Variants in STX2 observed in about 807,000 individuals in gnomAD.
STX2 encodes the protein syntaxin 2.
STX2 carries 27 observed loss-of-function variants against 40.6 expected under a neutral mutation model. That is an observed-to-expected ratio of 0.66 (90% confidence interval 0.49 to 0.92). The LOEUF is 0.92. Among genes scored for constraint, STX2 ranks in the 40% least tolerant of loss-of-function variants. STX2 has a pLI of 0.00. For synonymous variants in STX2, 123 were observed against 119.1 expected (o/e 1.03, Z -0.22); for missense variants, 328 against 366.1 (o/e 0.90, Z 0.85).
At chr12:130,805,260 CAAACCCACCA>C (rs1951387946) in intron 6 of STX2, among the ~76,000 whole-genome samples, 1 of 152,162 alleles carries the variant, frequency 6.6e-6, no homozygotes. Flanking sequence ...GAAATAACCA[CAAACCCACCA>C]AAATCTACAA....
chr12:130,803,118 G>A (rs1284531867), intron 6 of STX2, among the ~76,000 whole-genome samples: 1 of 152,220 alleles, frequency 6.6e-6, no homozygotes, highest in African/African-American at 2.4e-5. Flanking sequence ...TTGTTGAGAT[G>A]TCATTTAATG....
intron 1 of STX2, among the ~76,000 whole-genome samples, chr12:130,830,897 T>C (rs1424954259): frequency 6.6e-6 from 1 of 152,246 alleles, no homozygotes; most frequent in Non-Finnish European, 1.5e-5. Flanking sequence ...ACTCTCTATA[T>C]GACATACTTG....
intron 1 of STX2, among the ~76,000 whole-genome samples, chr12:130,835,322 C>T (rs535560276): frequency 1.3e-5 from 2 of 152,274 alleles, no homozygotes; most frequent in African/African-American, 4.8e-5. Flanking sequence ...AATTCATCAC[C>T]TTGAAACCAG....
At position 130,808,623 on chromosome 12, in the gene STX2, T is replaced by G. The variant is rs759496078; in HGVS notation, c.354+8A>C. The G allele has an allele frequency of 2.5e-6, 4 of 1,611,358 alleles. No individual in the cohort carries two copies. Among genetic ancestry groups the G allele is most frequent in the Non-Finnish European group, 3.4e-6 (4 of 1,179,252 alleles). On this transcript the variant is annotated splice_region_variant and intron_variant, in intron 5 of 10. Coordinates refer to ENST00000392373, the MANE Select transcript of STX2 (RefSeq NM_194356.4). ...ATTACTTTAATCTAAACGAGGCTGA[T>G]AGCAAACCTGGGTTCTTCGTATCCG...
At position 130,790,342 on chromosome 12, in the gene STX2, T is replaced by C. The variant is rs765841777; in HGVS notation, c.*1681A>G. 1.3e-5 allele frequency: 2 copies of C among 152,196 alleles called. No homozygotes were observed. Among genetic ancestry groups the C allele is most frequent in the Non-Finnish European group, 2.9e-5 (2 of 68,042 alleles). The allele number at this position is 152,196 out of a possible 1,614,324, so 9.4% of individuals were successfully genotyped here. A position where few individuals can be genotyped will look rare whatever the true frequency, so the allele number is the denominator to read the frequency against. On this transcript the variant is annotated 3_prime_UTR_variant, in exon 11 of 11. Coordinates refer to ENST00000392373, the MANE Select transcript of STX2 (RefSeq NM_194356.4). ...TGTTTGGAATCAGGCATCTCTACAT[T>C]AGTTTCAAACCAAATGGTGTTAAAA... is the stretch of plus-strand genomic sequence containing the variant.
chr12:130,811,009 C>T (rs982761932), intron 4 of STX2: 2 of 152,168 alleles, frequency 1.3e-5, no homozygotes, highest in Admixed American at 1.3e-4. Context: ...CTCCAAACTA[C>T]CCAATTCAAG....
At chr12:130,792,666 A>G (rs1407350232) in intron 10 of STX2, among the ~76,000 whole-genome samples, 2 of 152,112 alleles carry the variant, frequency 1.3e-5, no homozygotes, top group African/African-American at 4.8e-5. Context: ...GGGTCTTGCT[A>G]TGTTGCCCAG....
rs113007686 is a variant in STX2, at chr12:130,838,320, C to A, written c.30+750G>T. Among the ~76,000 whole-genome samples the A allele has an allele frequency of 3.8e-3, 574 of 152,348 alleles. 2 individuals are homozygous for A. The highest frequency in any genetic ancestry group is 0.013 in the African/African-American group (543 of 41,568). On this transcript the variant is annotated intron_variant, in intron 1 of 10. Coordinates refer to ENST00000392373, the MANE Select transcript of STX2 (RefSeq NM_194356.4). The stretch of plus-strand genomic sequence containing the variant: ...CATGCACAGTCCTGTCACCTTTACA[C>A]GTGTAGAATGCATCGAAATCCTTCC...
chr12:130,796,165 C>G, intron 9 of STX2, 45 bp from the exon 10 acceptor site: 1 of 1,608,782 alleles, frequency 6.2e-7, no homozygotes, highest in Non-Finnish European at 8.5e-7. Flanking sequence ...TGGTTAATTT[C>G]ATATTGCCAC....
chr12:130,815,859 T>C (rs1951838750), intron 3 of STX2, among the ~76,000 whole-genome samples: 2 of 152,224 alleles, frequency 1.3e-5, no homozygotes, highest in South Asian at 4.1e-4. Context: ...GTCTCCTTCA[T>C]ATTAGTTTGG....
intron 10 of STX2, among the ~76,000 whole-genome samples, chr12:130,793,221 G>C (rs1385139286): frequency 6.6e-6 from 1 of 152,124 alleles, no homozygotes; most frequent in Non-Finnish European, 1.5e-5. Context: ...CTGCCTGCAG[G>C]AGGGCCCCTC....
chr12:130,793,478 T>A (rs1950938118), intron 10 of STX2, among the ~76,000 whole-genome samples: 1 of 152,214 alleles, frequency 6.6e-6, no homozygotes, highest in African/African-American at 2.4e-5. Flanking sequence ...CATCTCCTGC[T>A]GCTGTTGTGC....
At chr12:130,825,682 A>C (rs149999580) in intron 2 of STX2, among the ~76,000 whole-genome samples, 1 of 152,332 alleles carries the variant, frequency 6.6e-6, no homozygotes, top group East Asian at 1.9e-4. Context: ...GATATTCAAG[A>C]AATTCTGGCT....
At chr12:130,834,523 T>A (rs1952691503) in intron 1 of STX2, among the ~76,000 whole-genome samples, 1 of 152,182 alleles carries the variant, frequency 6.6e-6, no homozygotes, top group Non-Finnish European at 1.5e-5. Flanking sequence ...TCTGGGCTCC[T>A]AGGGAGCTCT....
chr12:130,798,660 A>C (rs761116120), intron 8 of STX2, 25 bp from the exon 9 acceptor site: 50 of 1,557,048 alleles, frequency 3.2e-5, no homozygotes, highest in Non-Finnish European at 4.3e-5. Context: ...TTTCAAACTT[A>C]GAAGACATTT....
intron 6 of STX2, among the ~76,000 whole-genome samples, chr12:130,805,194 T>A (rs1951384626): frequency 6.6e-6 from 1 of 152,232 alleles, no homozygotes; most frequent in Admixed American, 6.5e-5. Flanking sequence ...GTCGACATCA[T>A]GATTGAGCAT....
intron 4 of STX2, 102 bp downstream of exon 4, chr12:130,812,855 T>C (rs1446413446): frequency 2.5e-6 from 2 of 807,440 alleles, no homozygotes; most frequent in Non-Finnish European, 4.0e-6. Context: ...CAGTCACTAT[T>C]TTAATTTTTA....
chr12:130,818,213 T>C (rs1237085189), intron 3 of STX2, among the ~76,000 whole-genome samples: 1 of 121,178 alleles, frequency 8.3e-6, no homozygotes, highest in African/African-American at 3.7e-5. Context: ...TATATATATA[T>C]ATATAAAATT....
chr12:130,818,078 G>A (rs1436519542), intron 3 of STX2, among the ~76,000 whole-genome samples: 1 of 148,512 alleles, frequency 6.7e-6, no homozygotes. Flanking sequence ...GCGCGGCTTC[G>A]TTTCTGAAGG....
Sources: allele counts gnomAD v4.1 joint callset (sites outside exome capture counted in the v4.1 genomes callset), GRCh38; gene constraint gnomAD v4.1.1; transcripts MANE v1.5; gene names NCBI Gene and HGNC (gene_info 2026-07-23, HGNC 2026-07-21).